ITCH: variants seen among roughly 807,000 people sequenced by gnomAD.
ITCH encodes itchy E3 ubiquitin protein ligase, also known as E3 ubiquitin-protein ligase Itchy homolog.
A neutral mutation model predicts 126.8 loss-of-function variants in ITCH; 28 were observed. The ratio of observed to expected loss-of-function variants is 0.22; its 90% confidence interval spans 0.16 to 0.30. ITCH has a LOEUF of 0.30. Ranked by LOEUF, ITCH falls within the 10% of genes least tolerant of loss-of-function variation. The pLI is 1.00. For synonymous variants in ITCH, 342 were observed against 340.0 expected (o/e 1.01, Z -0.06); for missense variants, 631 against 1,032.4 (o/e 0.61, Z 5.33).
Position 34,388,594 on chromosome 20 carries a change from A to G in ITCH, c.-21-5197A>G, listed in dbSNP as rs142453329. Among the ~76,000 whole-genome samples, 117 of 152,194 alleles carry G rather than the reference A, an allele frequency of 7.7e-4. 1 individual carries two copies. In the East Asian group the frequency reaches 0.022, roughly 29 times the overall value. On this transcript the variant is annotated intron_variant, in intron 2 of 24. Coordinates refer to ENST00000374864, the MANE Select transcript of ITCH (RefSeq NM_031483.7). The stretch of plus-strand genomic sequence containing the variant: ...TAGAGACAGGATTTTGCTCTCACAT[A>G]TCTGTCCAACCAATAAACAAAAAAG...
intron 2 of ITCH, among the ~76,000 whole-genome samples, chr20:34,381,180 C>T (rs189599169): frequency 1.3e-3 from 200 of 152,158 alleles, no homozygotes; most frequent in Middle Eastern, 3.4e-3. Flanking sequence ...GCGAGAGGAT[C>T]GCTTGAGCCC....
chr20:34,436,556 A>G (rs138338201), intron 7 of ITCH, among the ~76,000 whole-genome samples: 1 of 152,350 alleles, frequency 6.6e-6, no homozygotes, highest in Non-Finnish European at 1.5e-5. Flanking sequence ...GGTAGTCAAC[A>G]CTAATCAGGT....
At chr20:34,382,640 A>G (rs926078666) in intron 2 of ITCH, among the ~76,000 whole-genome samples, 3 of 151,456 alleles carry the variant, frequency 2.0e-5, no homozygotes, top group African/African-American at 7.3e-5. Flanking sequence ...ACTCCTGACC[A>G]CAAGTGATCC....
chr20:34,451,045 T>C (rs778183709), intron 12 of ITCH: 9 of 152,290 alleles, frequency 5.9e-5, no homozygotes, highest in Admixed American at 2.0e-4. Context: ...CCTAACACTT[T>C]AGGAGGCTGA....
At chr20:34,464,348 A>C (rs1600406707) in intron 14 of ITCH, among the ~76,000 whole-genome samples, 8 of 102,366 alleles carry the variant, frequency 7.8e-5, no homozygotes, top group Admixed American at 2.4e-4. Flanking sequence ...ACGGAGCTTC[A>C]CTCTTTTTGC....
At chr20:34,502,218 C>G (rs1166663560) in intron 23 of ITCH, among the ~76,000 whole-genome samples, 1 of 152,016 alleles carries the variant, frequency 6.6e-6, no homozygotes, top group Non-Finnish European at 1.5e-5. Context: ...TCCTTTCCAT[C>G]TATGTAGTTA....
intron 1 of ITCH, among the ~76,000 whole-genome samples, chr20:34,363,890 G>T (rs989300335): frequency 2.0e-5 from 3 of 152,078 alleles, no homozygotes; most frequent in Non-Finnish European, 4.4e-5. Flanking sequence ...TCCTTCCATT[G>T]TCCCCCCGGC....
chr20:34,375,563 A>G (rs2184836), intron 2 of ITCH, among the ~76,000 whole-genome samples: 84,353 of 151,286 alleles, frequency 0.56, 24,133 homozygotes, highest in African/African-American at 0.66. Context: ...GTGAGACCCC[A>G]TCTTTATTTT....
At chr20:34,467,678 A>ATTTTT (rs147009659) in intron 14 of ITCH, among the ~76,000 whole-genome samples, 37 of 98,046 alleles carry the variant, frequency 3.8e-4, no homozygotes, top group Middle Eastern at 6.8e-3. Context: ...TTTCTTTTTC[A>ATTTTT]TTTTTTTTTT....
At chr20:34,429,865 T>A (rs1802119774) in intron 7 of ITCH, among the ~76,000 whole-genome samples, 2 of 152,178 alleles carry the variant, frequency 1.3e-5, no homozygotes, top group Non-Finnish European at 1.5e-5. Context: ...AAATAATATT[T>A]GACCTAAGAC....
intron 3 of ITCH, among the ~76,000 whole-genome samples, chr20:34,396,248 G>T (rs538502861): frequency 3.8e-4 from 58 of 151,986 alleles, no homozygotes. Context: ...TGGCCAGGCT[G>T]GTCTCGAACT....
intron 1 of ITCH, among the ~76,000 whole-genome samples, chr20:34,364,002 G>T (rs2037308056): frequency 6.6e-6 from 1 of 152,100 alleles, no homozygotes; most frequent in African/African-American, 2.4e-5. Flanking sequence ...TCCGGAGAGT[G>T]CCCTTTTCTT....
intron 2 of ITCH, among the ~76,000 whole-genome samples, chr20:34,383,918 C>T (rs1259026264): frequency 5.5e-5 from 8 of 144,472 alleles, no homozygotes; most frequent in African/African-American, 2.1e-4. Flanking sequence ...AATCTTGGCT[C>T]GTCGCAACCT....
At chr20:34,491,705 A>G (rs1031907497) in intron 22 of ITCH, among the ~76,000 whole-genome samples, 2 of 152,250 alleles carry the variant, frequency 1.3e-5, no homozygotes, top group African/African-American at 4.8e-5. Flanking sequence ...ATTCCTTATA[A>G]AAAAGTTTTT....
chr20:34,483,940 A>G (rs1172716241), intron 20 of ITCH, among the ~76,000 whole-genome samples: 1 of 152,226 alleles, frequency 6.6e-6, no homozygotes, highest in Admixed American at 6.5e-5. Context: ...CATGTCTTAC[A>G]TGAATGGCAG....
chr20:34,491,309 A>G (rs150243409), intron 22 of ITCH, among the ~76,000 whole-genome samples: 2 of 152,346 alleles, frequency 1.3e-5, no homozygotes, highest in East Asian at 3.9e-4. Context: ...ACAAACGGAC[A>G]AATACTGTAT....
At chr20:34,379,207 T>C (rs971376459) in intron 2 of ITCH, among the ~76,000 whole-genome samples, 1 of 152,116 alleles carries the variant, frequency 6.6e-6, no homozygotes, top group African/African-American at 2.4e-5. Context: ...TGGAAGGGAA[T>C]GGAGAATGGG....
intron 16 of ITCH, among the ~76,000 whole-genome samples, chr20:34,472,395 A>AAAGAAAAAAG (rs533208894): frequency 4.8e-5 from 7 of 145,816 alleles, no homozygotes; most frequent in African/African-American, 5.0e-5. Flanking sequence ...AAAAAAAAAA[A>AAAGAAAAAAG]AACTTGAGTT....
At chr20:34,481,554 C>A (rs1023819241) in intron 20 of ITCH, among the ~76,000 whole-genome samples, 3 of 151,944 alleles carry the variant, frequency 2.0e-5, no homozygotes, top group African/African-American at 7.3e-5. Context: ...AAGACATATC[C>A]AAGACTGGGC....
Sources: gnomAD v4.1 joint callset for allele counts (sites outside exome capture counted in the v4.1 genomes callset) on GRCh38, gnomAD v4.1.1 for gene constraint, MANE v1.5 for transcripts, NCBI Gene and HGNC (gene_info 2026-07-23, HGNC 2026-07-21) for gene names.